Variants in HHIP observed in about 807,000 individuals in gnomAD.
HHIP encodes hedgehog-interacting protein.
In HHIP, 12 loss-of-function variants were observed where a neutral mutation model predicts 74.0. The ratio of observed to expected loss-of-function variants is 0.16; its 90% CI spans 0.10 to 0.26. The LOEUF is 0.26. Ranked by LOEUF, HHIP falls within the 10% of genes least tolerant of loss-of-function variation. The pLI, the probability that HHIP is intolerant of heterozygous loss-of-function variation, is 1.00. For missense variants in HHIP, 788 were observed against 845.0 expected (o/e 0.93, Z 0.84); for synonymous variants, 309 against 311.6 (o/e 0.99, Z 0.09).
chr4:144,694,533 C>T (rs1370146033), intron 4 of HHIP, among the ~76,000 whole-genome samples: 1 of 151,748 alleles, frequency 6.6e-6, no homozygotes, highest in Non-Finnish European at 1.5e-5. Context: ...ATGCTTTTAG[C>T]TGCATGACCA....
intron 4 of HHIP, among the ~76,000 whole-genome samples, chr4:144,695,689 C>T (rs1439511662): frequency 7.9e-5 from 12 of 151,562 alleles, no homozygotes; most frequent in East Asian, 3.9e-4. Flanking sequence ...AATGAAAAAA[C>T]GATATTTCTA....
chr4:144,695,456 C>A (rs1729787462), intron 4 of HHIP, among the ~76,000 whole-genome samples: 1 of 151,378 alleles, frequency 6.6e-6, no homozygotes, highest in Non-Finnish European at 1.5e-5. Flanking sequence ...AAGTAATTTT[C>A]ACAGCTAATT....
At chr4:144,648,717 C>T (rs1037073765) in intron 1 of HHIP, 4 of 152,080 alleles carry the variant, frequency 2.6e-5, no homozygotes, top group African/African-American at 9.7e-5. Flanking sequence ...TCAACTCTTC[C>T]AGAGACATGT....
At chr4:144,686,292 A>G (rs982972154) in intron 4 of HHIP, among the ~76,000 whole-genome samples, 5 of 152,174 alleles carry the variant, frequency 3.3e-5, no homozygotes, top group African/African-American at 1.2e-4. Context: ...AACTTAAAGA[A>G]GAGGGATTTT....
intron 4 of HHIP, among the ~76,000 whole-genome samples, chr4:144,699,579 TG>T (rs1729920480): frequency 2.0e-5 from 3 of 152,138 alleles, no homozygotes; most frequent in Admixed American, 2.0e-4. Context: ...TTCCTCTGGC[TG>T]CAAGCCCCCA....
chr4:144,649,607 T>G (rs1434012396), intron 1 of HHIP, among the ~76,000 whole-genome samples: 2 of 152,198 alleles, frequency 1.3e-5, no homozygotes, highest in African/African-American at 4.8e-5. Context: ...GATCTAATTC[T>G]TATTAACCAA....
Position 144,646,838 on chromosome 4 carries a change from A to T in HHIP, c.163A>T (p.Met55Leu), listed in dbSNP as rs1279797121. The stretch of plus-strand genomic sequence containing the variant: ...GCGCCTGAAAAGGAGAGACAGGAGG[A>T]TGATGTCCCAGCTGGAGCTGCTGAG... ...PKRLKRRDRR[M>L]MSQLELLSGG... Residue 55 changes from methionine (M) to leucine (L), a missense_variant, in exon 1 of 13, where the codon ATG becomes TTG. By Grantham distance (15) the Met-to-Leu change is conservative. Around this residue, in one of 3 missense-constraint regions of HHIP, gnomAD observed 373 missense variants for 366.4 expected, o/e 1.02. Transcript: ENST00000296575. 27 of 1,614,112 alleles carry T rather than the reference A, an allele frequency of 1.7e-5. No individual in the cohort carries two copies. The highest frequency in any genetic ancestry group is 2.3e-5 in the Non-Finnish European group (27 of 1,179,960).
Position 144,742,714 on chromosome 4 carries a change from A to G in HHIP, c.*4757A>G, listed in dbSNP as rs943332789. On this transcript the variant is annotated 3_prime_UTR_variant, in exon 13 of 13. Coordinates refer to ENST00000296575, the MANE Select transcript of HHIP (RefSeq NM_022475.3). ...TACTGTGAATGCTGGCAATACCATC[A>G]GAAAGTTTATCTTTAAAATACCTAA... is the stretch of plus-strand genomic sequence containing the variant. The G allele has an allele frequency of 4.0e-5, 6 of 151,140 alleles. No homozygotes were observed. Among genetic ancestry groups the G allele is most frequent in the African/African-American group, 1.5e-4 (6 of 41,172 alleles). The allele number at this position is 151,140 out of a possible 1,614,324, so 9.4% of individuals were successfully genotyped here.
chr4:144,706,785 G>A (rs767185960), intron 5 of HHIP, 103 bp downstream of exon 5: 137 of 1,051,658 alleles, frequency 1.3e-4, no homozygotes, highest in Non-Finnish European at 1.8e-4. Flanking sequence ...TAACCATAAG[G>A]TGGCAATAAT....
intron 2 of HHIP, among the ~76,000 whole-genome samples, chr4:144,655,474 C>A (rs1213851736): frequency 6.6e-6 from 1 of 152,148 alleles, no homozygotes; most frequent in African/African-American, 2.4e-5. Flanking sequence ...CACTCTTCGA[C>A]CTCATCTTCT....
rs1193692812 is a variant in HHIP, at chr4:144,738,476, TC to T, written c.*520del. The T allele has an allele frequency of 5.1e-6, 5 of 982,028 alleles. No individual in the cohort carries two copies. The African/African-American group carries it at 8.8e-5, about 17-fold the overall frequency. 60.8% of individuals were successfully genotyped at this position (982,028 alleles called of 1,614,324 possible). ...TGAGCAACTTGATATAAAATTGTAA[TC>T]TTCATTTTTGTCAGTGTATCCAGTT... On this transcript the variant is annotated 3_prime_UTR_variant, in exon 13 of 13. Transcript: ENST00000296575.
At chr4:144,716,232 T>TCC (rs1730441804) in intron 10 of HHIP, among the ~76,000 whole-genome samples, 1 of 152,214 alleles carries the variant, frequency 6.6e-6, no homozygotes, top group African/African-American at 2.4e-5. Flanking sequence ...TTAATCAGAA[T>TCC]ATTTTCTCTA....
intron 4 of HHIP, among the ~76,000 whole-genome samples, chr4:144,694,304 T>G (rs1321776947): frequency 6.6e-6 from 1 of 151,876 alleles, no homozygotes; most frequent in East Asian, 1.9e-4. Context: ...TTAAATTTAT[T>G]AGTGTTCCTT....
At chr4:144,654,944 A>C (rs947343604) in intron 2 of HHIP, 1 of 152,182 alleles carries the variant, frequency 6.6e-6, no homozygotes, top group Non-Finnish European at 1.5e-5. Context: ...GTATTTTGCT[A>C]AAAGAAGCCA....
rs558581837 is a variant in HHIP at position 144,739,474 on chromosome 4, C to T, written c.*1517C>T. 6.6e-6 allele frequency: 1 copy of T among 152,326 alleles called. No homozygotes were observed. The highest frequency in any genetic ancestry group is 2.4e-5 in the African/African-American group (1 of 41,568). The allele number at this position is 152,326 out of a possible 1,614,324, so 9.4% of individuals were successfully genotyped here. On this transcript the variant is annotated 3_prime_UTR_variant, in exon 13 of 13. Coordinates refer to ENST00000296575, the MANE Select transcript of HHIP (RefSeq NM_022475.3). Reference sequence around the variant, plus strand: ...AACCTTCTCCTTACCTTTAGGAATACAAGCCTCAATTTAAAAAATATATTG... The same window carrying T: ...AACCTTCTCCTTACCTTTAGGAATATAAGCCTCAATTTAAAAAATATATTG...
In HHIP at chr4:144,736,590, CTATA is replaced by C. The variant is rs541996455; in HGVS notation, c.1910-1169_1910-1166del. ...TGAATTATCTCAAATACAGATGGCA[CTATA>C]TATACCTTAATAGATATTAATAATA... On this transcript the variant is annotated intron_variant, in intron 12 of 12. Transcript: ENST00000296575. Among the ~76,000 whole-genome samples the C allele has an allele frequency of 5.9e-3, 896 of 152,178 alleles. 9 individuals carry two copies. The highest frequency in any genetic ancestry group is 0.021 in the African/African-American group (872 of 41,522).
At chr4:144,672,099 G>T (rs561407135) in intron 4 of HHIP, among the ~76,000 whole-genome samples, 6 of 152,180 alleles carry the variant, frequency 3.9e-5, no homozygotes, top group Non-Finnish European at 7.3e-5. Flanking sequence ...AAAAGATAAG[G>T]GTTCAGTGTG....
chr4:144,714,711 T>A (rs1031793001), intron 9 of HHIP, among the ~76,000 whole-genome samples: 3 of 152,198 alleles, frequency 2.0e-5, no homozygotes, highest in African/African-American at 7.2e-5. Context: ...AAAAATTATA[T>A]TGCAAGGCTC....
intron 4 of HHIP, among the ~76,000 whole-genome samples, chr4:144,684,526 G>A (rs1333946702): frequency 6.6e-6 from 1 of 151,410 alleles, no homozygotes; most frequent in Non-Finnish European, 1.5e-5. Flanking sequence ...TGATCCGCCC[G>A]CCTCGGCCTC....
Sources: allele counts gnomAD v4.1 joint callset (sites outside exome capture counted in the v4.1 genomes callset), GRCh38; gene constraint gnomAD v4.1.1; regional missense constraint gnomAD v4.1.1; transcripts MANE v1.5; gene names NCBI Gene and HGNC (gene_info 2026-07-23, HGNC 2026-07-21).